Variants in SH3BGRL2 observed in about 807,000 individuals in gnomAD.
The protein encoded by SH3BGRL2 is SH3 domain-binding glutamic acid-rich-like protein 2.
In SH3BGRL2, 21 loss-of-function variants were observed where a neutral mutation model predicts 14.8. The ratio of observed to expected loss-of-function variants is 1.42; its 90% CI spans 1.01 to 2.05. The LOEUF (loss-of-function observed/expected upper bound fraction) is 2.05, where lower values mean the gene tolerates loss of function less well. Among genes scored for constraint, SH3BGRL2 ranks in the 30% most tolerant of loss-of-function variants. The pLI is 0.00. For synonymous variants in SH3BGRL2, 50 were observed against 47.8 expected (o/e 1.05, Z -0.19); for missense variants, 147 against 130.8 (o/e 1.12, Z -0.61).
At chr6:79,648,143 C>G (rs1212602187) in intron 1 of SH3BGRL2, among the ~76,000 whole-genome samples, 5 of 150,350 alleles carry the variant, frequency 3.3e-5, no homozygotes, top group Non-Finnish European at 7.4e-5. Flanking sequence ...AGAAAAACTT[C>G]ACTGACCTTT....
chr6:79,679,513 G>C (rs1769949264), intron 2 of SH3BGRL2, among the ~76,000 whole-genome samples: 1 of 151,970 alleles, frequency 6.6e-6, no homozygotes, highest in African/African-American at 2.4e-5. Context: ...ACCTTTGTCA[G>C]ACACATAGTT....
the SH3BGRL2 span, among the ~76,000 whole-genome samples, chr6:79,560,451 G>A: frequency 1.3e-5 from 2 of 152,148 alleles, no homozygotes; most frequent in African/African-American, 2.4e-5. Flanking sequence ...TGAAACAGGA[G>A]TATCCCTTGA....
At chr6:79,621,950 T>G in the SH3BGRL2 span, among the ~76,000 whole-genome samples, 29 of 152,062 alleles carry the variant, frequency 1.9e-4, no homozygotes, top group Non-Finnish European at 2.9e-5. Context: ...TTTGAGGCTG[T>G]GGCAATCACC....
At chr6:79,625,856 G>C in the SH3BGRL2 span, among the ~76,000 whole-genome samples, 2 of 152,192 alleles carry the variant, frequency 1.3e-5, no homozygotes, top group East Asian at 3.8e-4. Context: ...CATTAATGCA[G>C]GTATGGCTTC....
At chr6:79,558,346 A>G in the SH3BGRL2 span, among the ~76,000 whole-genome samples, 1 of 152,184 alleles carries the variant, frequency 6.6e-6, no homozygotes, top group African/African-American at 2.4e-5. Context: ...AGGATGTTGT[A>G]TACATTGGAT....
At chr6:79,608,968 T>C in the SH3BGRL2 span, among the ~76,000 whole-genome samples, 6 of 152,150 alleles carry the variant, frequency 3.9e-5, no homozygotes, top group Non-Finnish European at 7.3e-5. Flanking sequence ...AACTAATCCT[T>C]CCACACCCTG....
At chr6:79,616,650 T>C in the SH3BGRL2 span, among the ~76,000 whole-genome samples, 1 of 152,162 alleles carries the variant, frequency 6.6e-6, no homozygotes, top group Non-Finnish European at 1.5e-5. Context: ...ATTCTCTTAC[T>C]AGAAAGAACA....
chr6:79,556,625 A>T, the SH3BGRL2 span, among the ~76,000 whole-genome samples: 1 of 152,018 alleles, frequency 6.6e-6, no homozygotes. Flanking sequence ...TGTAACCCTT[A>T]ACCCAGTAGT....
At chr6:79,563,616 G>A in the SH3BGRL2 span, among the ~76,000 whole-genome samples, 1 of 152,182 alleles carries the variant, frequency 6.6e-6, no homozygotes, top group Admixed American at 6.5e-5. Flanking sequence ...CCACAGGTTG[G>A]AGACATGCAG....
chr6:79,589,573 G>T, the SH3BGRL2 span, among the ~76,000 whole-genome samples: 3 of 152,000 alleles, frequency 2.0e-5, no homozygotes, highest in African/African-American at 7.2e-5. Context: ...GATGCAATAG[G>T]TTCATTTAAA....
chr6:79,549,715 A>G, the SH3BGRL2 span, among the ~76,000 whole-genome samples: 31 of 152,332 alleles, frequency 2.0e-4, no homozygotes, highest in Admixed American at 4.6e-4. Flanking sequence ...GGGAATACCT[A>G]TAAGTATCCT....
chr6:79,563,721 A>G, the SH3BGRL2 span, among the ~76,000 whole-genome samples: 3 of 152,216 alleles, frequency 2.0e-5, no homozygotes, highest in Non-Finnish European at 2.9e-5. Context: ...ATGCAGCTGC[A>G]TGAGTGAGTC....
chr6:79,615,184 C>T, the SH3BGRL2 span, among the ~76,000 whole-genome samples: 2 of 152,226 alleles, frequency 1.3e-5, no homozygotes, highest in African/African-American at 4.8e-5. Flanking sequence ...GGCCATAAGG[C>T]CCCTGGGTTA....
chr6:79,696,482 T>G lies in SH3BGRL2; in HGVS notation c.232-3T>G. ...TTTATTTTCTGCTTCCCTTTTTTTCTAGGATTATGACAGTTTTTTTGAATC... is the reference window on the plus strand; with the variant it reads ...TTTATTTTCTGCTTCCCTTTTTTTCGAGGATTATGACAGTTTTTTTGAATC... On this transcript the variant is annotated splice_region_variant and splice_polypyrimidine_tract_variant and intron_variant, in intron 2 of 3. Transcript: ENST00000369838. 6.4e-7 allele frequency: 1 copy of G among 1,569,256 alleles called. No individual in the cohort carries two copies. Among genetic ancestry groups the G allele is most frequent in the South Asian group, 1.2e-5 (1 of 82,060 alleles).
chr6:79,608,897 A>T, the SH3BGRL2 span, among the ~76,000 whole-genome samples: 1 of 152,206 alleles, frequency 6.6e-6, no homozygotes, highest in Admixed American at 6.5e-5. Flanking sequence ...GCAAGAGTAC[A>T]CTGGGTACAC....
At chr6:79,692,523 TA>T (rs1374882473) in intron 2 of SH3BGRL2, among the ~76,000 whole-genome samples, 2 of 152,224 alleles carry the variant, frequency 1.3e-5, no homozygotes, top group African/African-American at 2.4e-5. Context: ...CATCTTGAAT[TA>T]ATTTTTGTAT....
the SH3BGRL2 span, among the ~76,000 whole-genome samples, chr6:79,581,713 C>T: frequency 6.6e-6 from 1 of 152,144 alleles, no homozygotes; most frequent in Non-Finnish European, 1.5e-5. Context: ...GGAAGCATTC[C>T]CTTTGAAAAC....
At chr6:79,697,553 A>T (rs1482395317) in intron 3 of SH3BGRL2, among the ~76,000 whole-genome samples, 1 of 152,234 alleles carries the variant, frequency 6.6e-6, no homozygotes, top group African/African-American at 2.4e-5. Context: ...CATAAATTAT[A>T]GACCAGCATC....
At chr6:79,587,783 A>G in the SH3BGRL2 span, among the ~76,000 whole-genome samples, 57 of 152,344 alleles carry the variant, frequency 3.7e-4, no homozygotes, top group Middle Eastern at 3.4e-3. Flanking sequence ...AGGCCTTTGT[A>G]TATCAGAAAT....
Sources: allele counts gnomAD v4.1 joint callset (sites outside exome capture counted in the v4.1 genomes callset), GRCh38; gene constraint gnomAD v4.1.1; transcripts MANE v1.5; gene names NCBI Gene and HGNC (gene_info 2026-07-23, HGNC 2026-07-21).